SYNE2: variants seen among roughly 807,000 people sequenced by gnomAD.
SYNE2 encodes the protein nesprin-2.
In SYNE2, 431 loss-of-function variants were observed where a neutral mutation model predicts 856.3. That is an observed-to-expected ratio of 0.50 (90% CI 0.47 to 0.55). The LOEUF is 0.55. SYNE2 is among the 20% of genes least tolerant of loss of function. The pLI, the probability that SYNE2 is intolerant of heterozygous loss-of-function variation, is 0.00. For missense variants in SYNE2, 8,129 were observed against 8,023.2 expected, an observed-to-expected ratio of 1.01 and a Z score of -0.50; for synonymous variants, 2,923 against 2,872.3, an observed-to-expected ratio of 1.02 and a Z score of -0.56.
chr14:64,053,709 GT>G, intron 48 of SYNE2, 52 bp downstream of exon 48: 2 of 1,561,670 alleles, frequency 1.3e-6, no homozygotes, highest in Non-Finnish European at 1.7e-6. Flanking sequence ...GCTCACGCCT[GT>G]AATCCCAGCA....
chr14:64,079,545 A>T (rs934399259), intron 55 of SYNE2, among the ~76,000 whole-genome samples: 1 of 152,214 alleles, frequency 6.6e-6, no homozygotes, highest in African/African-American at 2.4e-5. Flanking sequence ...TCTTAAGCAA[A>T]CATTAAGAAT....
chr14:63,919,791 G>A (rs539284659), intron 2 of SYNE2, among the ~76,000 whole-genome samples: 5 of 152,188 alleles, frequency 3.3e-5, no homozygotes, highest in African/African-American at 7.2e-5. Context: ...ACTGGATTGC[G>A]CTCCTAAGAT....
intron 61 of SYNE2, 38 bp from the exon 62 acceptor site, chr14:64,097,911 A>G (rs964009528): frequency 6.2e-7 from 1 of 1,610,790 alleles, no homozygotes. Flanking sequence ...CAGAGGCCTC[A>G]GACTTCTCAA....
intron 6 of SYNE2, among the ~76,000 whole-genome samples, chr14:63,945,547 G>A (rs1444043942): frequency 1.3e-5 from 2 of 152,112 alleles, no homozygotes; most frequent in Admixed American, 6.6e-5. Context: ...TGAATATACC[G>A]TAACATATTT....
chr14:64,012,133 A>G (rs1190304588), intron 32 of SYNE2, among the ~76,000 whole-genome samples: 2 of 152,088 alleles, frequency 1.3e-5, no homozygotes, highest in Non-Finnish European at 2.9e-5. Flanking sequence ...CTTAATGATT[A>G]CCTTGAAGTC....
At chr14:63,934,153 C>T (rs1430561078) in intron 2 of SYNE2, among the ~76,000 whole-genome samples, 1 of 152,164 alleles carries the variant, frequency 6.6e-6, no homozygotes, top group Non-Finnish European at 1.5e-5. Flanking sequence ...TAAGTTCGGA[C>T]AATGAGTTTA....
chr14:63,970,408 T>C (rs2096458664), intron 11 of SYNE2, among the ~76,000 whole-genome samples: 2 of 152,152 alleles, frequency 1.3e-5, no homozygotes, highest in South Asian at 4.1e-4. Flanking sequence ...ATACTGGTCA[T>C]GAACTCCTGG....
At chr14:64,100,472 C>A (rs1191388819) in intron 63 of SYNE2, 1 of 135,858 alleles carries the variant, frequency 7.4e-6, no homozygotes, top group Non-Finnish European at 1.5e-5. Flanking sequence ...GCCGAGATCA[C>A]GCTGTTGCAC....
At chr14:64,084,052 GTAGCTGAGAT>G (rs1476606470) in intron 57 of SYNE2, among the ~76,000 whole-genome samples, 10 of 151,794 alleles carry the variant, frequency 6.6e-5, no homozygotes, top group African/African-American at 2.4e-4. Context: ...AGCTTCCCCA[GTAGCTGAGAT>G]TACAGGCGTG....
chr14:63,974,758 ACG>A (rs1491364892), intron 11 of SYNE2, among the ~76,000 whole-genome samples: 3 of 123,288 alleles, frequency 2.4e-5, no homozygotes, highest in Non-Finnish European at 5.2e-5. Context: ...ATATGTATAT[ACG>A]TGTGTGTGTA....
At chr14:63,982,350 G>T (rs2096591800) in intron 16 of SYNE2, among the ~76,000 whole-genome samples, 1 of 152,114 alleles carries the variant, frequency 6.6e-6, no homozygotes. Context: ...GCATTTGCCA[G>T]TTAGCACTTA....
At chr14:63,903,639 A>G (rs775394279) in intron 1 of SYNE2, among the ~76,000 whole-genome samples, 1 of 152,188 alleles carries the variant, frequency 6.6e-6, no homozygotes, top group Non-Finnish European at 1.5e-5. Context: ...CATCTTTAAT[A>G]TACAATACAG....
In SYNE2 at chr14:64,132,320, A is replaced by G. The variant is rs1174699183; in HGVS notation, c.14396A>G (p.Lys4799Arg). ...TTGTTGATCCAAGCATACTCTGCCA[A>G]AATACTTCCTTCTTTATTGCAAAAC... is the stretch of plus-strand genomic sequence containing the variant. Reference protein sequence around the residue: ...DMLLIQAYSAKILPSLLQNRE... With the variant: ...DMLLIQAYSARILPSLLQNRE... Residue 4799 changes from lysine to arginine, a missense_variant, in exon 77 of 116, where the codon AAA (lysine) becomes AGA (arginine). Transcript: ENST00000555002. The G allele has an allele frequency of 6.2e-7, 1 of 1,614,174 alleles. No individual in the cohort carries two copies. The highest frequency in any genetic ancestry group is 1.1e-5 in the South Asian group (1 of 91,080).
chr14:64,209,396 T>TGG, intron 101 of SYNE2, 32 bp from the exon 102 acceptor site: 1 of 1,614,154 alleles, frequency 6.2e-7, no homozygotes, highest in African/African-American at 1.3e-5. Flanking sequence ...TTGGAGGGGA[T>TGG]GGCTTGTGTT....
At chr14:64,151,010 C>G (rs2098236923) in intron 84 of SYNE2, among the ~76,000 whole-genome samples, 1 of 152,142 alleles carries the variant, frequency 6.6e-6, no homozygotes, top group Non-Finnish European at 1.5e-5. Flanking sequence ...GAGAGGTTTT[C>G]TGTTCATACG....
intron 8 of SYNE2, chr14:63,956,311 A>G (rs1042902206): frequency 2.3e-6 from 1 of 430,546 alleles, no homozygotes; most frequent in Non-Finnish European, 4.6e-6. Context: ...TATAGTTAAT[A>G]GTAAAATGTA....
chr14:63,781,260 A>G (rs896426415), intron 1 of SYNE2, among the ~76,000 whole-genome samples: 3 of 151,762 alleles, frequency 2.0e-5, no homozygotes, highest in African/African-American at 7.3e-5. Context: ...CCTGTGCAAC[A>G]AGAGTGAAAC....
chr14:63,821,354 A>T (rs909300931), intron 1 of SYNE2, among the ~76,000 whole-genome samples: 7 of 152,198 alleles, frequency 4.6e-5, no homozygotes, highest in Non-Finnish European at 8.8e-5. Flanking sequence ...GTACATAAGC[A>T]AACTGCAATT....
intron 55 of SYNE2, among the ~76,000 whole-genome samples, chr14:64,080,227 A>G (rs1272307239): frequency 1.3e-5 from 2 of 152,090 alleles, no homozygotes; most frequent in African/African-American, 4.8e-5. Flanking sequence ...CTGTTCCCCT[A>G]CAGCTAATTT....
Sources: gnomAD v4.1 joint callset for allele counts (sites outside exome capture counted in the v4.1 genomes callset) on GRCh38, gnomAD v4.1.1 for gene constraint, MANE v1.5 for transcripts, NCBI Gene and HGNC (gene_info 2026-07-23, HGNC 2026-07-21) for gene names.